Variants in LRP1B observed in about 807,000 individuals in gnomAD.
LRP1B encodes the protein LDL receptor related protein 1B.
A neutral mutation model predicts 556.6 loss-of-function variants in LRP1B; 217 were observed. The observed-to-expected ratio is 0.39, with a 90% CI of 0.35 to 0.44. LRP1B has a LOEUF of 0.44. Ranked by LOEUF, LRP1B falls within the 20% of genes least tolerant of loss-of-function variation. The pLI, the probability that LRP1B is intolerant of heterozygous loss-of-function variation, is 1.00. For missense variants in LRP1B, 5,053 were observed against 5,620.8 expected (o/e 0.90, Z 3.23); for synonymous variants, 2,047 against 1,865.8 (o/e 1.10, Z -2.50).
chr2:141,251,174 C>A (rs985431860), intron 4 of LRP1B, among the ~76,000 whole-genome samples: 2 of 151,992 alleles, frequency 1.3e-5, no homozygotes, highest in African/African-American at 4.8e-5. Context: ...GAGTCAAGAT[C>A]ATAAAGAATA....
chr2:140,337,194 AAC>A (rs1303162434), intron 77 of LRP1B, among the ~76,000 whole-genome samples: 1 of 151,908 alleles, frequency 6.6e-6, no homozygotes, highest in Non-Finnish European at 1.5e-5. Context: ...GCTTACATTA[AAC>A]ACAGAATCCA....
At chr2:140,701,904 T>G in intron 39 of LRP1B, 59 bp from the exon 40 acceptor site, 1 of 1,601,272 alleles carries the variant, frequency 6.2e-7, no homozygotes, top group Non-Finnish European at 8.5e-7. Flanking sequence ...GTCAAGCCAG[T>G]TACTTAAGCT....
At chr2:141,603,168 A>G (rs1045175267) in intron 2 of LRP1B, among the ~76,000 whole-genome samples, 2 of 152,214 alleles carry the variant, frequency 1.3e-5, no homozygotes, top group African/African-American at 2.4e-5. Context: ...GACTCAAGCA[A>G]GTAAATTCAG....
chr2:141,850,401 T>G (rs1307577799), intron 1 of LRP1B, among the ~76,000 whole-genome samples: 2 of 151,652 alleles, frequency 1.3e-5, no homozygotes, highest in Non-Finnish European at 3.0e-5. Context: ...GATTTTATTT[T>G]TAGTAGAATA....
intron 13 of LRP1B, among the ~76,000 whole-genome samples, chr2:141,015,045 C>T (rs972939039): frequency 6.6e-6 from 1 of 152,012 alleles, no homozygotes; most frequent in African/African-American, 2.4e-5. Context: ...GTTCGACTCA[C>T]AGTTAAAGTC....
chr2:141,971,862 C>T (rs1038992575), intron 1 of LRP1B, among the ~76,000 whole-genome samples: 19 of 151,434 alleles, frequency 1.3e-4, no homozygotes, highest in African/African-American at 4.6e-4. Flanking sequence ...CAGTGTTGCT[C>T]ATTTTCCAGG....
chr2:141,984,889 A>G (rs1470516982), intron 1 of LRP1B, among the ~76,000 whole-genome samples: 1 of 152,152 alleles, frequency 6.6e-6, no homozygotes, highest in Non-Finnish European at 1.5e-5. Context: ...TTCATCTCAT[A>G]TGGTACAAAA....
At chr2:141,408,358 A>T (rs1690717186) in intron 3 of LRP1B, among the ~76,000 whole-genome samples, 1 of 151,782 alleles carries the variant, frequency 6.6e-6, no homozygotes, top group Admixed American at 6.6e-5. Flanking sequence ...GTTAGCCAGG[A>T]TGGTCTCGAT....
intron 2 of LRP1B, among the ~76,000 whole-genome samples, chr2:141,592,263 A>G (rs555336231): frequency 6.6e-6 from 1 of 152,282 alleles, no homozygotes; most frequent in South Asian, 2.1e-4. Flanking sequence ...TCAACTAGAT[A>G]GCTTATACGT....
At chr2:142,101,416 T>C (rs1197753683) in intron 1 of LRP1B, among the ~76,000 whole-genome samples, 1 of 152,066 alleles carries the variant, frequency 6.6e-6, no homozygotes, top group Non-Finnish European at 1.5e-5. Context: ...TGTCTATCTC[T>C]CTGCATATGT....
At chr2:141,857,059 A>G (rs890255484) in intron 1 of LRP1B, among the ~76,000 whole-genome samples, 1 of 152,260 alleles carries the variant, frequency 6.6e-6, no homozygotes, top group Admixed American at 6.5e-5. Context: ...CTTAGAAGCC[A>G]TATATAAATC....
chr2:141,768,029 C>T (rs1694783377), intron 2 of LRP1B, among the ~76,000 whole-genome samples: 1 of 152,094 alleles, frequency 6.6e-6, no homozygotes, highest in Non-Finnish European at 1.5e-5. Flanking sequence ...TTCTGATCTT[C>T]TTGAGATGCT....
chr2:141,695,842 T>C (rs1046464118), intron 2 of LRP1B, among the ~76,000 whole-genome samples: 5 of 151,964 alleles, frequency 3.3e-5, no homozygotes, highest in African/African-American at 1.2e-4. Context: ...ACCAGAAAAC[T>C]AGCTGTGGCC....
chr2:141,851,447 T>G (rs556739022), intron 1 of LRP1B, among the ~76,000 whole-genome samples: 1 of 151,968 alleles, frequency 6.6e-6, no homozygotes, highest in East Asian at 1.9e-4. Context: ...AGGAATATTT[T>G]TATTAGGCTT....
chr2:141,909,245 G>A (rs190082283), intron 1 of LRP1B, among the ~76,000 whole-genome samples: 5 of 152,074 alleles, frequency 3.3e-5, no homozygotes, highest in African/African-American at 1.2e-4. Flanking sequence ...AGTTGAGCCT[G>A]GACATTCAGA....
intron 50 of LRP1B, among the ~76,000 whole-genome samples, 186 bp downstream of exon 50, chr2:140,516,703 G>A (rs1288175710): frequency 2.0e-5 from 3 of 151,996 alleles, no homozygotes; most frequent in East Asian, 1.9e-4. Flanking sequence ...ACCAAAGAGT[G>A]TTAGTCTTCA....
At chr2:141,184,485 C>A (rs1483243705) in intron 7 of LRP1B, among the ~76,000 whole-genome samples, 2 of 151,876 alleles carry the variant, frequency 1.3e-5, no homozygotes, top group African/African-American at 2.4e-5. Flanking sequence ...CTTGGGGACA[C>A]AGAGAAGAAA....
chr2:141,160,007 G>C (rs960960009), intron 7 of LRP1B, among the ~76,000 whole-genome samples: 7 of 152,016 alleles, frequency 4.6e-5, no homozygotes, highest in African/African-American at 1.7e-4. Context: ...TGGGAGGTGA[G>C]GGGAGAGAAC....
At chr2:141,737,866 C>A (rs576087118) in intron 2 of LRP1B, among the ~76,000 whole-genome samples, 2 of 152,254 alleles carry the variant, frequency 1.3e-5, no homozygotes, top group East Asian at 3.9e-4. Flanking sequence ...CTTAAAATCT[C>A]ATTTCTTTTT....
Sources: gnomAD v4.1 joint callset for allele counts (sites outside exome capture counted in the v4.1 genomes callset) on GRCh38, gnomAD v4.1.1 for gene constraint, MANE v1.5 for transcripts, NCBI Gene and HGNC (gene_info 2026-07-23, HGNC 2026-07-21) for gene names.